FER: variants seen among roughly 807,000 people sequenced by gnomAD.
FER encodes the protein FER tyrosine kinase.
In FER, 63 loss-of-function variants were observed where a neutral mutation model predicts 111.0. The observed-to-expected ratio is 0.57, with a 90% CI of 0.46 to 0.70. The LOEUF (loss-of-function observed/expected upper bound fraction) is 0.70. Among genes scored for constraint, FER ranks in the 30% least tolerant of loss-of-function variants. The pLI, the probability that FER is intolerant of heterozygous loss-of-function variation, is 0.00. For missense variants in FER, 914 were observed against 954.0 expected (o/e 0.96, Z 0.55); for synonymous variants, 327 against 313.9 (o/e 1.04, Z -0.44).
intron 16 of FER, among the ~76,000 whole-genome samples, chr5:109,090,190 C>A (rs186498955): frequency 6.6e-6 from 1 of 151,986 alleles, no homozygotes; most frequent in Admixed American, 6.6e-5. Flanking sequence ...ACAGAACCTG[C>A]GGTAGTACAG....
At position 108,784,696 on chromosome 5, in the gene FER, A is replaced by G. The variant is rs147065894; in HGVS notation, c.-59-13428A>G. ...TAAGCATTGTTTCTGTAGATTATAG[A>G]TTTACTAAAAGTATTCCTTACGGGA... On this transcript the variant is annotated intron_variant, in intron 2 of 19. Coordinates refer to ENST00000281092, the MANE Select transcript of FER (RefSeq NM_005246.4). Among the ~76,000 whole-genome samples, 1,353 of 152,306 alleles carry G rather than the reference A, an allele frequency of 8.9e-3. 16 individuals are homozygous for G. Among genetic ancestry groups the G allele is most frequent in the African/African-American group, 0.031 (1,270 of 41,548 alleles).
At chr5:109,047,313 A>G in intron 16 of FER, 115 bp downstream of exon 16, 2 of 606,518 alleles carry the variant, frequency 3.3e-6, no homozygotes, top group Admixed American at 6.9e-5. Context: ...TTTGTTTAAC[A>G]TTTCCAGATA....
intron 13 of FER, among the ~76,000 whole-genome samples, chr5:108,969,119 T>G (rs1032758182): frequency 2.0e-5 from 3 of 152,154 alleles, no homozygotes; most frequent in African/African-American, 7.2e-5. Flanking sequence ...ATAGAAGGCA[T>G]TTTGGCAGAA....
At chr5:109,003,168 G>T (rs1340076390) in intron 13 of FER, among the ~76,000 whole-genome samples, 1 of 151,982 alleles carries the variant, frequency 6.6e-6, no homozygotes, top group Non-Finnish European at 1.5e-5. Flanking sequence ...ACATGCACAC[G>T]TATGTTTATT....
intron 17 of FER, among the ~76,000 whole-genome samples, chr5:109,153,170 G>C (rs1306196991): frequency 6.6e-6 from 1 of 151,018 alleles, no homozygotes; most frequent in Admixed American, 6.6e-5. Flanking sequence ...CCATGGTGGT[G>C]CTATTTCTCA....
At chr5:109,139,350 CTTTTT>C (rs59092426) in intron 17 of FER, among the ~76,000 whole-genome samples, 1 of 91,104 alleles carries the variant, frequency 1.1e-5, no homozygotes, top group Non-Finnish European at 2.1e-5. Context: ...TTCTTTCTTT[CTTTTT>C]TTTTTTTTTT....
intron 17 of FER, among the ~76,000 whole-genome samples, chr5:109,164,629 A>G (rs1756347587): frequency 6.6e-6 from 1 of 152,154 alleles, no homozygotes; most frequent in Non-Finnish European, 1.5e-5. Flanking sequence ...AGTATCATTA[A>G]CATATCTTTT....
chr5:108,951,224 A>G (rs1369526252), intron 11 of FER, among the ~76,000 whole-genome samples: 2 of 152,140 alleles, frequency 1.3e-5, no homozygotes, highest in East Asian at 1.9e-4. Flanking sequence ...AGATGACGCC[A>G]TTGGACTCCA....
At chr5:108,989,892 G>T (rs1358524643) in intron 13 of FER, among the ~76,000 whole-genome samples, 7 of 151,844 alleles carry the variant, frequency 4.6e-5, no homozygotes, top group Non-Finnish European at 7.4e-5. Flanking sequence ...AAGATAGTTT[G>T]TACTATATTC....
intron 3 of FER, among the ~76,000 whole-genome samples, chr5:108,822,598 A>T (rs1426235155): frequency 6.6e-6 from 1 of 152,160 alleles, no homozygotes; most frequent in Non-Finnish European, 1.5e-5. Flanking sequence ...AGAACTCACT[A>T]TTCTGAGAAT....
chr5:109,113,868 A>G (rs1749923063), intron 17 of FER, among the ~76,000 whole-genome samples: 1 of 152,188 alleles, frequency 6.6e-6, no homozygotes, highest in African/African-American at 2.4e-5. Flanking sequence ...CAAAGAGCAT[A>G]TACTGAAAAC....
chr5:108,969,213 AGTT>A lies in FER; in HGVS notation c.1656+9869_1656+9871del, dbSNP rs369338425. Among the ~76,000 whole-genome samples, 37 of 152,310 alleles carry A rather than the reference AGTT, an allele frequency of 2.4e-4. 1 individual carries two copies. In the South Asian group the frequency reaches 7.5e-3, roughly 31 times the overall value. ...ATCCTTTAGTTCTATGCATGTATGAAGTTGTGTCATTCCAAGGTTAGTCACTGC... is the reference window on the plus strand; with the variant it reads ...ATCCTTTAGTTCTATGCATGTATGAAGTGTCATTCCAAGGTTAGTCACTGC... On this transcript the variant is annotated intron_variant, in intron 13 of 19. Coordinates refer to ENST00000281092, the MANE Select transcript of FER (RefSeq NM_005246.4).
In FER at chr5:109,131,212, T is replaced by G. The variant is rs10051556; in HGVS notation, c.2048+30693T>G. Among the ~76,000 whole-genome samples, 821 of 152,302 alleles carry G rather than the reference T, an allele frequency of 5.4e-3. 12 individuals carry two copies. The highest frequency in any genetic ancestry group is 0.018 in the African/African-American group (755 of 41,578). On this transcript the variant is annotated intron_variant, in intron 17 of 19. Coordinates refer to ENST00000281092, the MANE Select transcript of FER (RefSeq NM_005246.4). ...TTATTTAGCATTTAGCAGTAGAAAT[T>G]GAAAGACCTCAACTGTTCATTTATT... is the stretch of plus-strand genomic sequence containing the variant.
intron 17 of FER, among the ~76,000 whole-genome samples, chr5:109,150,936 A>G (rs1189183766): frequency 6.6e-6 from 1 of 152,186 alleles, no homozygotes; most frequent in Non-Finnish European, 1.5e-5. Context: ...TGTTAAGTTA[A>G]TCAAAGTGGT....
chr5:108,958,521 A>G (rs955326540), intron 12 of FER, among the ~76,000 whole-genome samples: 3 of 151,916 alleles, frequency 2.0e-5, no homozygotes. Context: ...TATGAAAACA[A>G]GAGAAAAGCG....
intron 3 of FER, among the ~76,000 whole-genome samples, chr5:108,808,562 C>T (rs1267122677): frequency 1.3e-5 from 2 of 151,334 alleles, no homozygotes; most frequent in Non-Finnish European, 2.9e-5. Flanking sequence ...CAACTCTGTG[C>T]CTTTTAAGTG....
intron 13 of FER, among the ~76,000 whole-genome samples, chr5:109,001,863 A>G (rs1189855935): frequency 6.6e-6 from 1 of 152,084 alleles, no homozygotes; most frequent in Non-Finnish European, 1.5e-5. Context: ...GAGCCAAATC[A>G]TGAGTGAACT....
chr5:108,804,126 G>C (rs79156431), intron 3 of FER, among the ~76,000 whole-genome samples: 4,613 of 151,946 alleles, frequency 0.03, 98 homozygotes, highest in African/African-American at 0.058. Flanking sequence ...TCTTGATTTG[G>C]CTATCAGCTT....
chr5:108,914,360 T>C (rs1751974751), intron 10 of FER, among the ~76,000 whole-genome samples: 1 of 152,100 alleles, frequency 6.6e-6, no homozygotes, highest in African/African-American at 2.4e-5. Flanking sequence ...TACTTACTTT[T>C]CTCTGTTACC....
Sources: allele counts gnomAD v4.1 joint callset (sites outside exome capture counted in the v4.1 genomes callset), GRCh38; gene constraint gnomAD v4.1.1; transcripts MANE v1.5; gene names NCBI Gene and HGNC (gene_info 2026-07-23, HGNC 2026-07-21).